Variants in RAB3GAP1 observed in about 807,000 individuals in gnomAD.
The protein encoded by RAB3GAP1 is rab3 GTPase-activating protein catalytic subunit.
In RAB3GAP1, 86 loss-of-function variants were observed where a neutral mutation model predicts 130.7. That is an observed-to-expected ratio of 0.66 (90% CI 0.55 to 0.79). The LOEUF (loss-of-function observed/expected upper bound fraction) is 0.79, where lower values mean the gene tolerates loss of function less well. Ranked by LOEUF, RAB3GAP1 falls within the 30% of genes least tolerant of loss-of-function variation. RAB3GAP1 has a pLI of 0.00. For synonymous variants in RAB3GAP1, 367 were observed against 401.7 expected (o/e 0.91, Z 1.03); for missense variants, 1,029 against 1,169.4 (o/e 0.88, Z 1.75).
chr2:135,068,036 G>A (rs576358096), intron 3 of RAB3GAP1, among the ~76,000 whole-genome samples: 30 of 152,232 alleles, frequency 2.0e-4, no homozygotes, highest in African/African-American at 7.0e-4. Context: ...CACTGAGCCT[G>A]GCCTCTCTTA....
In RAB3GAP1 at chr2:135,091,103, A is replaced by G; in HGVS notation, c.256A>G (p.Lys86Glu). The change falls in exon 4 of 24, where the codon AAA (lysine) becomes GAA (glutamate). Residue 86 changes from lysine (K) to glutamate (E), a missense_variant. Physicochemically the swap from Lys to Glu is moderately conservative, Grantham distance 56. Coordinates refer to ENST00000264158, the MANE Select transcript of RAB3GAP1 (RefSeq NM_012233.3). ...HHYLVQESTDKEGKDELLEDV... is the reference protein window; with the variant it reads ...HHYLVQESTDEEGKDELLEDV... ...TTATCTTGTACAAGAGTCCACTGAT[A>G]AAGAAGGAAAGGATGAGTTATTAGA... 6.3e-7 allele frequency: 1 copy of G among 1,597,432 alleles called. No homozygotes were observed. Among genetic ancestry groups the G allele is most frequent in the Non-Finnish European group, 8.6e-7 (1 of 1,165,122 alleles).
chr2:135,069,881 G>T (rs909856796), intron 3 of RAB3GAP1, among the ~76,000 whole-genome samples: 3 of 151,732 alleles, frequency 2.0e-5, no homozygotes, highest in African/African-American at 7.3e-5. Flanking sequence ...CCTCCCTCCA[G>T]GAAAGGAAAA....
At chr2:135,081,989 A>C (rs960619892) in intron 3 of RAB3GAP1, among the ~76,000 whole-genome samples, 1 of 151,960 alleles carries the variant, frequency 6.6e-6, no homozygotes, top group Non-Finnish European at 1.5e-5. Flanking sequence ...TAAAAATACA[A>C]AAATTAGCCA....
chr2:135,114,585 C>T (rs1293678256), intron 6 of RAB3GAP1, among the ~76,000 whole-genome samples: 2 of 152,196 alleles, frequency 1.3e-5, no homozygotes, highest in Non-Finnish European at 2.9e-5. Flanking sequence ...TGGGTTCCTT[C>T]GAGCCTCTGG....
chr2:135,080,385 GAGA>G (rs1279046250), intron 3 of RAB3GAP1, among the ~76,000 whole-genome samples: 1 of 152,154 alleles, frequency 6.6e-6, no homozygotes, highest in Non-Finnish European at 1.5e-5. Context: ...ATGAGCAGAT[GAGA>G]AGATCATATA....
chr2:135,058,273 G>C, intron 3 of RAB3GAP1, 187 bp downstream of exon 3: 2 of 578,638 alleles, frequency 3.5e-6, no homozygotes, highest in South Asian at 3.9e-5. Context: ...TAAGACATTT[G>C]TGAAATGTTT....
Position 135,164,598 on chromosome 2 carries a change from G to A in RAB3GAP1, c.2611G>A (p.Val871Met). ...EEEKEDLERF[V>M]SCLLEQPEVL... ...TTGCCTGTCTCTGTCTCCTAGGTTTGTGAGTTGCCTGCTGGAGCAGCCTGA... is the reference window on the plus strand; with the variant it reads ...TTGCCTGTCTCTGTCTCCTAGGTTTATGAGTTGCCTGCTGGAGCAGCCTGA... Residue 871 changes from valine to methionine, a missense_variant, in exon 23 of 24, where the codon GTG becomes ATG. Physicochemically the swap from Val to Met is conservative, Grantham distance 21. Coordinates refer to ENST00000264158, the MANE Select transcript of RAB3GAP1 (RefSeq NM_012233.3). 1 of 1,610,666 alleles carries A rather than the reference G, an allele frequency of 6.2e-7. No individual in the cohort carries two copies. The highest frequency in any genetic ancestry group is 8.5e-7 in the Non-Finnish European group (1 of 1,177,506).
chr2:135,122,595 A>G (rs990228292), intron 8 of RAB3GAP1, among the ~76,000 whole-genome samples: 1 of 152,084 alleles, frequency 6.6e-6, no homozygotes, highest in Admixed American at 6.6e-5. Flanking sequence ...AATTCTTAAC[A>G]TTTTCCTTTA....
chr2:135,168,125 A>C (rs1385123040), intron 23 of RAB3GAP1, among the ~76,000 whole-genome samples: 3 of 152,234 alleles, frequency 2.0e-5, no homozygotes, highest in Non-Finnish European at 4.4e-5. Context: ...TCGATTAAAA[A>C]ATTCTTACCC....
At chr2:135,066,397 T>C in intron 3 of RAB3GAP1, among the ~76,000 whole-genome samples, 1 of 152,248 alleles carries the variant, frequency 6.6e-6, no homozygotes, top group East Asian at 1.9e-4. Flanking sequence ...TAGTTGGGAC[T>C]GTGTCTGTTA....
chr2:135,113,400 A>C (rs1690877525), intron 6 of RAB3GAP1, 130 bp downstream of exon 6: 1 of 1,238,022 alleles, frequency 8.1e-7, no homozygotes, highest in East Asian at 2.5e-5. Flanking sequence ...TGTTAAACTA[A>C]ATTTGACTTG....
intron 5 of RAB3GAP1, among the ~76,000 whole-genome samples, chr2:135,096,446 GT>G (rs1344681905): frequency 6.6e-6 from 1 of 152,020 alleles, no homozygotes; most frequent in African/African-American, 2.4e-5. Flanking sequence ...TCCTCTTTTA[GT>G]ATGACCTTTT....
chr2:135,068,094 G>A (rs1689372013), intron 3 of RAB3GAP1, among the ~76,000 whole-genome samples: 1 of 152,024 alleles, frequency 6.6e-6, no homozygotes, highest in Non-Finnish European at 1.5e-5. Flanking sequence ...AAGTAGAGTA[G>A]AATATAAACA....
intron 17 of RAB3GAP1, among the ~76,000 whole-genome samples, chr2:135,140,973 AT>A (rs1301173702): frequency 1.3e-5 from 2 of 152,086 alleles, no homozygotes; most frequent in African/African-American, 4.8e-5. Flanking sequence ...ATTTTTGGTC[AT>A]TTTAATTTTT....
At chr2:135,101,988 A>T (rs557681210) in intron 5 of RAB3GAP1, among the ~76,000 whole-genome samples, 3 of 152,356 alleles carry the variant, frequency 2.0e-5, no homozygotes, top group East Asian at 1.9e-4. Flanking sequence ...GGTAGGCAAG[A>T]TAATGAACCC....
At chr2:135,105,110 C>T (rs1172583773) in intron 5 of RAB3GAP1, among the ~76,000 whole-genome samples, 1 of 151,980 alleles carries the variant, frequency 6.6e-6, no homozygotes, top group Non-Finnish European at 1.5e-5. Context: ...TCAAGTGTTC[C>T]AAAGCATGCA....
intron 3 of RAB3GAP1, chr2:135,058,347 AT>A (rs2104822571): frequency 4.0e-6 from 1 of 251,200 alleles, no homozygotes; most frequent in East Asian, 8.7e-5. Flanking sequence ...TTTGTGAGTG[AT>A]TCTTTGTGAG....
rs1240135910 is a variant in RAB3GAP1, at chr2:135,167,672, C to A, written c.2710-873C>A. ...GCTTGTTTCCCTTTCATCACTGTTTCTTTTCTTACCCCTTCTCAAGCTGAC... is the reference window on the plus strand; with the variant it reads ...GCTTGTTTCCCTTTCATCACTGTTTATTTTCTTACCCCTTCTCAAGCTGAC... On this transcript the variant is annotated intron_variant, in intron 23 of 23. Coordinates refer to ENST00000264158, the MANE Select transcript of RAB3GAP1 (RefSeq NM_012233.3). 3.4e-6 allele frequency: 5 copies of A among 1,482,784 alleles called. No homozygotes were observed. The Admixed American group carries it at 9.8e-5, about 29-fold the overall frequency. The allele number at this position is 1,482,784 out of a possible 1,614,324, so 91.9% of individuals were successfully genotyped here.
intron 3 of RAB3GAP1, among the ~76,000 whole-genome samples, chr2:135,060,154 A>T (rs998880892): frequency 3.3e-5 from 5 of 151,728 alleles, no homozygotes; most frequent in African/African-American, 1.2e-4. Context: ...TTCTTGTTTG[A>T]GTGGTACCTC....
Sources: gnomAD v4.1 joint callset for allele counts (sites outside exome capture counted in the v4.1 genomes callset) on GRCh38, gnomAD v4.1.1 for gene constraint, MANE v1.5 for transcripts, NCBI Gene and HGNC (gene_info 2026-07-23, HGNC 2026-07-21) for gene names.